MAST4: variants seen among roughly 807,000 people sequenced by gnomAD.
The protein encoded by MAST4 is microtubule-associated serine/threonine-protein kinase 4.
In MAST4, 89 loss-of-function variants were observed where a neutral mutation model predicts 162.7. That is an observed-to-expected ratio of 0.55 (90% CI 0.46 to 0.65). MAST4 has a LOEUF of 0.65. MAST4 is among the 30% of genes least tolerant of loss of function. The pLI is 0.00. For missense variants in MAST4, 3,153 were observed against 3,374.0 expected (o/e 0.93, Z 1.62); for synonymous variants, 1,479 against 1,361.1 (o/e 1.09, Z -1.91).
At chr5:66,716,040 G>A (rs1177144555) in intron 1 of MAST4, among the ~76,000 whole-genome samples, 3 of 151,854 alleles carry the variant, frequency 2.0e-5, no homozygotes, top group African/African-American at 7.3e-5. Context: ...TGTTGCAGAA[G>A]GAGTATGATA....
In MAST4 at chr5:67,167,774, C is replaced by A. The variant is rs575133072; in HGVS notation, c.*723C>A. The A allele has an allele frequency of 5.3e-5, 8 of 152,338 alleles. No homozygotes were observed. The South Asian group carries it at 1.7e-3, about 32-fold the overall frequency. 9.4% of individuals were successfully genotyped at this position (152,338 alleles called of 1,614,324 possible). On this transcript the variant is annotated 3_prime_UTR_variant, in exon 29 of 29. Transcript: ENST00000403625. The stretch of plus-strand genomic sequence containing the variant: ...TTAGGAATGGCCAGGACAAGTGGAG[C>A]TAGCCATTTTCATTACACGGCCATC...
chr5:66,808,428 G>A lies in MAST4; in HGVS notation c.642+19634G>A, dbSNP rs148646563. 5.8e-3 allele frequency among the ~76,000 whole-genome samples: 887 copies of A among 152,206 alleles called. 12 individuals carry two copies. The highest frequency in any genetic ancestry group is 0.021 in the African/African-American group (856 of 41,528). On this transcript the variant is annotated intron_variant, in intron 3 of 28. Transcript: ENST00000403625. Reference sequence around the variant, plus strand: ...CAAATAGCCCCTATTAACTAAATTAGGTTTTTTTTTGGTTCAGAATACTTT... The same window carrying A: ...CAAATAGCCCCTATTAACTAAATTAAGTTTTTTTTTGGTTCAGAATACTTT...
intron 4 of MAST4, among the ~76,000 whole-genome samples, chr5:66,981,170 C>T (rs40206): frequency 0.25 from 34,429 of 136,680 alleles, 4,191 homozygotes; most frequent in East Asian, 0.37. Flanking sequence ...TTGAGTGGCA[C>T]CACTTATTTT....
rs542244376 is a variant in MAST4, at chr5:67,164,027, C to T, written c.4848C>T (p.Ser1616=). The T allele has an allele frequency of 6.9e-6, 11 of 1,585,120 alleles. No homozygotes were observed. In the Admixed American group the frequency reaches 7.2e-5, roughly 10 times the overall value. ...ALHKQASVRA[S]EGAMSDGRVP... ...ACAAGCAGGCCAGCGTGCGCGCCAG[C>T]GAGGGTGCGATGTCGGATGGCCGGG... The change falls in exon 29 of 29, where the codon AGC becomes AGT. Residue 1616 remains serine (S), a synonymous_variant. Transcript: ENST00000403625. This position sits in a 1 kb window ranked among gnomAD's most constrained non-coding sequence, Gnocchi z 5.3.
chr5:66,858,041 C>T (rs1199903614), intron 3 of MAST4, among the ~76,000 whole-genome samples: 3 of 152,084 alleles, frequency 2.0e-5, no homozygotes, highest in Non-Finnish European at 2.9e-5. Context: ...ACTGCAACCT[C>T]CTCCTCCTGG....
At chr5:66,846,457 TC>T (rs773924523) in intron 3 of MAST4, among the ~76,000 whole-genome samples, 45 of 152,182 alleles carry the variant, frequency 3.0e-4, no homozygotes, top group Non-Finnish European at 5.7e-4. Context: ...TGATATTTTA[TC>T]CATGAGAGGC....
chr5:66,927,507 TC>T (rs1764987978), intron 4 of MAST4, among the ~76,000 whole-genome samples: 1 of 152,168 alleles, frequency 6.6e-6, no homozygotes, highest in Admixed American at 6.5e-5. Flanking sequence ...CATGTGCCTG[TC>T]CCTTACTCTC....
chr5:67,002,129 G>A (rs1751369369), intron 4 of MAST4: 1 of 152,126 alleles, frequency 6.6e-6, no homozygotes, highest in African/African-American at 2.4e-5. Flanking sequence ...TTCCCCTTGA[G>A]TTTGATTGTG....
chr5:67,005,109 T>G (rs780264697), intron 4 of MAST4: 25 of 737,934 alleles, frequency 3.4e-5, no homozygotes, highest in African/African-American at 6.9e-5. Flanking sequence ...GATCTCTGCC[T>G]GGAGAGGGAA....
intron 3 of MAST4, among the ~76,000 whole-genome samples, chr5:66,819,986 G>A (rs566094871): frequency 2.8e-5 from 4 of 143,648 alleles, no homozygotes; most frequent in Non-Finnish European, 6.0e-5. Flanking sequence ...TTTTTGTAGA[G>A]ATGGGGTTTC....
At chr5:66,784,046 C>G (rs1754998307) in intron 2 of MAST4, among the ~76,000 whole-genome samples, 1 of 152,054 alleles carries the variant, frequency 6.6e-6, no homozygotes, top group African/African-American at 2.4e-5. Context: ...TTCCCAGTCC[C>G]TGTTGCCTTG....
At chr5:66,907,954 A>G (rs35014911) in intron 4 of MAST4, among the ~76,000 whole-genome samples, 4,981 of 152,218 alleles carry the variant, frequency 0.033, 151 homozygotes, top group African/African-American at 0.076. Context: ...CAAATATTGA[A>G]GCAAAAATTC....
chr5:66,635,353 A>G (rs895001991), intron 1 of MAST4, among the ~76,000 whole-genome samples: 2 of 152,194 alleles, frequency 1.3e-5, no homozygotes, highest in African/African-American at 2.4e-5. Context: ...CAATTCTGTT[A>G]TGTTCCTGGA....
At chr5:66,703,877 T>C (rs1368740616) in intron 1 of MAST4, among the ~76,000 whole-genome samples, 2 of 152,192 alleles carry the variant, frequency 1.3e-5, no homozygotes, top group Non-Finnish European at 2.9e-5. Context: ...ACAAAGATCA[T>C]AACATTTTGA....
intron 4 of MAST4, among the ~76,000 whole-genome samples, chr5:66,960,981 G>A (rs141752505): frequency 1.3e-5 from 2 of 152,266 alleles, no homozygotes; most frequent in Non-Finnish European, 2.9e-5. Context: ...TCTTATCTTG[G>A]TAAATATTAC....
At position 67,095,686 on chromosome 5, in the gene MAST4, G is replaced by C. The variant is rs745712107; in HGVS notation, c.912+11G>C. 8 of 1,528,272 alleles carry C rather than the reference G, an allele frequency of 5.2e-6. No homozygotes were observed. The highest frequency in any genetic ancestry group is 7.0e-6 in the Non-Finnish European group (8 of 1,138,298). 94.7% of individuals were successfully genotyped at this position (1,528,272 alleles called of 1,614,324 possible). ...AGCTCTACGGTCTCTGTAAGTGCCT[G>C]ACTTTTTTTTTTTTTTTCTCTTCCT... On this transcript the variant is annotated intron_variant, in intron 7 of 28. Coordinates refer to ENST00000403625, the MANE Select transcript of MAST4 (RefSeq NM_001164664.2).
intron 3 of MAST4, among the ~76,000 whole-genome samples, chr5:66,890,105 G>A (rs563752718): frequency 4.6e-5 from 7 of 152,158 alleles, no homozygotes; most frequent in East Asian, 1.9e-4. Context: ...TAAAAACGAC[G>A]CAGAAACTTT....
chr5:67,026,833 A>T (rs1031280316), intron 4 of MAST4, among the ~76,000 whole-genome samples: 6 of 152,238 alleles, frequency 3.9e-5, no homozygotes, highest in African/African-American at 1.4e-4. Flanking sequence ...ACAGATGTGG[A>T]GGGCAAAGAC....
At chr5:66,805,771 G>A (rs114854346) in intron 3 of MAST4, among the ~76,000 whole-genome samples, 41 of 152,290 alleles carry the variant, frequency 2.7e-4, no homozygotes, top group Admixed American at 7.8e-4. Context: ...CCATCAGCCT[G>A]CGAAGCTGGA....
Sources: allele counts gnomAD v4.1 joint callset (sites outside exome capture counted in the v4.1 genomes callset), GRCh38; gene constraint gnomAD v4.1.1; non-coding constraint Gnocchi (gnomAD v3.1); transcripts MANE v1.5; gene names NCBI Gene and HGNC (gene_info 2026-07-23, HGNC 2026-07-21).